MED12L: variants seen among roughly 807,000 people sequenced by gnomAD.
The protein encoded by MED12L is mediator complex subunit 12L.
In MED12L, 60 loss-of-function variants were observed where a neutral mutation model predicts 281.3. The ratio of observed to expected loss-of-function variants is 0.21; its 90% CI spans 0.17 to 0.26. The LOEUF (loss-of-function observed/expected upper bound fraction) is 0.26, where lower values mean the gene tolerates loss of function less well. MED12L is among the 10% of genes least tolerant of loss of function. MED12L has a pLI of 1.00. For missense variants in MED12L, 2,146 were observed against 2,680.9 expected, an observed-to-expected ratio of 0.80 and a Z score of 4.41; for synonymous variants, 974 against 987.2, an observed-to-expected ratio of 0.99 and a Z score of 0.25.
In MED12L at chr3:151,186,751, G is replaced by C. The variant is rs113989382; in HGVS notation, c.1626+1290G>C. On this transcript the variant is annotated intron_variant, in intron 12 of 44. Coordinates refer to ENST00000687756, the MANE Select transcript of MED12L (RefSeq NM_001393769.1). ...CTACCCCTCAAGCACTCTTTCTCACGTCACTGTTTTTACTTTCCTTGTTGC... is the reference window on the plus strand; with the variant it reads ...CTACCCCTCAAGCACTCTTTCTCACCTCACTGTTTTTACTTTCCTTGTTGC... 6.4e-3 allele frequency among the ~76,000 whole-genome samples: 963 copies of C among 150,034 alleles called. 10 individuals are homozygous for C. Among genetic ancestry groups the C allele is most frequent in the African/African-American group, 0.023 (925 of 39,692 alleles).
chr3:151,139,846 T>G (rs1716675740), intron 5 of MED12L, among the ~76,000 whole-genome samples: 1 of 152,224 alleles, frequency 6.6e-6, no homozygotes. Flanking sequence ...GGCTGTTGTG[T>G]TCACAATAAA....
At chr3:151,224,991 A>C (rs1730204461) in intron 16 of MED12L, among the ~76,000 whole-genome samples, 1 of 152,144 alleles carries the variant, frequency 6.6e-6, no homozygotes, top group African/African-American at 2.4e-5. Flanking sequence ...TACATCTTTA[A>C]AATATTTTAT....
chr3:151,244,531 G>A (rs1456588807), intron 16 of MED12L, among the ~76,000 whole-genome samples: 4 of 149,400 alleles, frequency 2.7e-5, no homozygotes, highest in Admixed American at 6.7e-5. Context: ...GGTACATAAC[G>A]AAATGAAGGC....
At chr3:151,392,884 A>G (rs1714461838) in intron 38 of MED12L, among the ~76,000 whole-genome samples, 1 of 152,228 alleles carries the variant, frequency 6.6e-6, no homozygotes, top group South Asian at 2.1e-4. Context: ...AAATTTTTAA[A>G]AATTAGATTA....
chr3:151,298,693 G>C (rs1745446106), intron 16 of MED12L, among the ~76,000 whole-genome samples: 1 of 152,184 alleles, frequency 6.6e-6, no homozygotes, highest in Non-Finnish European at 1.5e-5. Flanking sequence ...GGCTGTCTTT[G>C]CCGGGGGGAA....
At chr3:151,294,606 A>G in intron 16 of MED12L, 1 of 1,614,190 alleles carries the variant, frequency 6.2e-7, no homozygotes, top group Non-Finnish European at 8.5e-7. Context: ...GCCACAAACA[A>G]GCAGCTGTTC....
intron 11 of MED12L, among the ~76,000 whole-genome samples, chr3:151,176,843 T>TATC (rs150707737): frequency 0.076 from 11,550 of 152,214 alleles, 965 homozygotes; most frequent in East Asian, 0.2. Flanking sequence ...GTCAGTTACT[T>TATC]ATATTAATTA....
At chr3:151,207,501 G>C (rs1038002340) in intron 16 of MED12L, among the ~76,000 whole-genome samples, 2 of 150,192 alleles carry the variant, frequency 1.3e-5, no homozygotes, top group African/African-American at 2.5e-5. Context: ...AGAAATTTTG[G>C]GGGGGACTGT....
chr3:151,369,676 GA>G, intron 26 of MED12L, 127 bp downstream of exon 26: 1 of 588,204 alleles, frequency 1.7e-6, no homozygotes, highest in East Asian at 3.0e-5. Flanking sequence ...TATTCTCCTG[GA>G]AAAATTAGTG....
intron 4 of MED12L, 132 bp downstream of exon 4, chr3:151,123,106 G>A: frequency 4.2e-6 from 3 of 711,566 alleles, no homozygotes; most frequent in Non-Finnish European, 6.8e-6. Flanking sequence ...GTGGTCCCAG[G>A]TGGGTGTTAC....
intron 11 of MED12L, among the ~76,000 whole-genome samples, chr3:151,182,612 G>A (rs144642678): frequency 6.6e-6 from 1 of 152,296 alleles, no homozygotes; most frequent in Non-Finnish European, 1.5e-5. Context: ...GAGGCCCGAG[G>A]TGGAGGTGGG....
At chr3:151,338,551 CTT>C (rs759929729) in intron 16 of MED12L, 3 of 1,613,928 alleles carry the variant, frequency 1.9e-6, no homozygotes, top group Non-Finnish European at 2.5e-6. Flanking sequence ...ACGGAGGTAA[CTT>C]GACACACAAA....
chr3:151,405,413 T>C (rs1011784231), intron 39 of MED12L, among the ~76,000 whole-genome samples: 1 of 152,166 alleles, frequency 6.6e-6, no homozygotes, highest in Non-Finnish European at 1.5e-5. Flanking sequence ...AATATCTTAT[T>C]CTCTCTTACT....
chr3:151,185,548 G>A lies in MED12L; in HGVS notation c.1626+87G>A. On this transcript the variant is annotated intron_variant, in intron 12 of 44. Transcript: ENST00000687756. The stretch of plus-strand genomic sequence containing the variant: ...GATCATTTTCTCTTACCCTCATTAT[G>A]TTATTCTTTTGCTCTTGAGGAAAAA... 3 of 1,405,930 alleles carry A rather than the reference G, an allele frequency of 2.1e-6. No individual in the cohort carries two copies. The East Asian group carries it at 7.3e-5, about 34-fold the overall frequency. 87.1% of individuals were successfully genotyped at this position (1,405,930 alleles called of 1,614,324 possible). A position where few individuals can be genotyped will look rare whatever the true frequency, so the allele number is the denominator to read the frequency against.
rs540790020 is a variant in MED12L, at chr3:151,159,931, C to A, written c.937C>A (p.Leu313Ile). 1 of 1,614,212 alleles carries A rather than the reference C, an allele frequency of 6.2e-7. No homozygotes were observed. The highest frequency in any genetic ancestry group is 1.1e-5 in the South Asian group (1 of 91,080). Reference protein sequence around the residue: ...SLLLSDSPNLLAAHSPHMMIG... With the variant: ...SLLLSDSPNLIAAHSPHMMIG... The stretch of plus-strand genomic sequence containing the variant: ...GCTGCTGAGCGATAGCCCCAACCTC[C>A]TTGCTGCCCACTCACCCCACATGAT... Residue 313 changes from leucine (L) to isoleucine (I), a missense_variant, in exon 8 of 45, where the codon CTT (leucine) becomes ATT (isoleucine). Physicochemically the swap from Leu to Ile is conservative, Grantham distance 5 (BLOSUM62 2). Around this residue, in one of 9 missense-constraint regions of MED12L, gnomAD observed 722 missense variants for 861.2 expected, o/e 0.84. Transcript: ENST00000687756.
intron 5 of MED12L, among the ~76,000 whole-genome samples, chr3:151,146,367 C>T (rs6794431): frequency 0.031 from 4,744 of 152,240 alleles, 232 homozygotes; most frequent in African/African-American, 0.11. Flanking sequence ...GTGGATGAAA[C>T]GCCTCTTTGC....
chr3:151,385,005 C>G (rs777454692), intron 35 of MED12L, 25 bp from the exon 36 acceptor site: 3 of 1,237,728 alleles, frequency 2.4e-6, no homozygotes, highest in Non-Finnish European at 3.6e-6. Flanking sequence ...ACTTCTCACT[C>G]TCTCTCTCTC....
intron 11 of MED12L, among the ~76,000 whole-genome samples, chr3:151,174,137 T>C (rs1721767510): frequency 6.6e-6 from 1 of 152,178 alleles, no homozygotes; most frequent in Non-Finnish European, 1.5e-5. Flanking sequence ...CAGTGAGCAT[T>C]TCCTTTGCGC....
intron 16 of MED12L, chr3:151,329,667 A>G (rs1750130896): frequency 1.9e-6 from 1 of 519,794 alleles, no homozygotes; most frequent in East Asian, 3.3e-5. Context: ...CTAATACTCT[A>G]TTTTAGTTCA....
Sources: allele counts gnomAD v4.1 joint callset (sites outside exome capture counted in the v4.1 genomes callset), GRCh38; gene constraint gnomAD v4.1.1; regional missense constraint gnomAD v4.1.1; transcripts MANE v1.5; gene names NCBI Gene and HGNC (gene_info 2026-07-23, HGNC 2026-07-21).